The following PMEPA1 variants were observed in gnomAD, a reference collection of about 807,000 sequenced individuals.
The protein encoded by PMEPA1 is prostate transmembrane protein, androgen induced 1, also known as protein TMEPAI.
A neutral mutation model predicts 23.0 loss-of-function variants in PMEPA1; 11 were observed. That is an observed-to-expected ratio of 0.48 (90% CI 0.30 to 0.79). The LOEUF (loss-of-function observed/expected upper bound fraction) is 0.79. PMEPA1 is among the 30% of genes least tolerant of loss of function. The pLI is 0.06. For missense variants in PMEPA1, 377 were observed against 390.9 expected (o/e 0.96, Z 0.30); for synonymous variants, 204 against 166.4 (o/e 1.23, Z -1.74).
rs1204295774 is a variant in PMEPA1 at position 57,682,790 on chromosome 20, G to A, written c.110-23093C>T. On this transcript the variant is annotated intron_variant, in intron 1 of 3. Coordinates refer to ENST00000341744, the MANE Select transcript of PMEPA1 (RefSeq NM_020182.5). This position sits in a 1 kb window ranked among gnomAD's most constrained non-coding sequence, Gnocchi z 4.4. ...AATATTTCTGCTAGATGCTGCCTGGGAGCTGGGCTTTCTGCATGAGCAGGC... is the reference window on the plus strand; with the variant it reads ...AATATTTCTGCTAGATGCTGCCTGGAAGCTGGGCTTTCTGCATGAGCAGGC... Among the ~76,000 whole-genome samples, 2 of 152,258 alleles carry A rather than the reference G, an allele frequency of 1.3e-5. No individual in the cohort carries two copies. Among genetic ancestry groups the A allele is most frequent in the Admixed American group, 6.5e-5 (1 of 15,292 alleles).
chr20:57,670,907 GC>G (rs927680602), intron 1 of PMEPA1, among the ~76,000 whole-genome samples: 4 of 150,872 alleles, frequency 2.7e-5, no homozygotes, highest in Non-Finnish European at 5.9e-5. Context: ...CTTCCCCACC[GC>G]CCCCCCAACC....
Position 57,709,629 on chromosome 20 carries a change from C to T in PMEPA1, c.-47G>A. The T allele has an allele frequency of 5.6e-6, 4 of 709,784 alleles. 1 individual carries two copies. In the South Asian group the frequency reaches 2.6e-4, roughly 46 times the overall value. 44.0% of individuals were successfully genotyped at this position (709,784 alleles called of 1,614,324 possible). A position where few individuals can be genotyped will look rare whatever the true frequency, so the allele number is the denominator to read the frequency against. ...CGGGGCGCGGGGGGCTCGGGGGCGGCCGGGGGGGGCTCCGGCCGGCGCCCG... is the reference window on the plus strand; with the variant it reads ...CGGGGCGCGGGGGGCTCGGGGGCGGTCGGGGGGGGCTCCGGCCGGCGCCCG... On this transcript the variant is annotated 5_prime_UTR_variant, in exon 1 of 4. Coordinates refer to ENST00000341744, the MANE Select transcript of PMEPA1 (RefSeq NM_020182.5).
chr20:57,662,557 G>A (rs2071436436), intron 1 of PMEPA1, among the ~76,000 whole-genome samples: 1 of 152,304 alleles, frequency 6.6e-6, no homozygotes, highest in East Asian at 1.9e-4. Context: ...GACCCAGGTC[G>A]CTGTGGCCAC....
intron 1 of PMEPA1, chr20:57,690,332 C>A: frequency 2.2e-6 from 2 of 928,226 alleles, no homozygotes; most frequent in Non-Finnish European, 3.1e-6. Context: ...CACTGCCACC[C>A]GCCCTGCATC....
At position 57,659,170 on chromosome 20, in the gene PMEPA1, C is replaced by T. The variant is rs561891561; in HGVS notation, c.264+373G>A. Among the ~76,000 whole-genome samples, 47 of 137,042 alleles carry T rather than the reference C, an allele frequency of 3.4e-4. No individual in the cohort carries two copies. The South Asian group carries it at 8.7e-3, about 25-fold the overall frequency. 89.9% of individuals were successfully genotyped at this position (137,042 alleles called of 152,430 possible). On this transcript the variant is annotated intron_variant, in intron 2 of 3. Coordinates refer to ENST00000341744, the MANE Select transcript of PMEPA1 (RefSeq NM_020182.5). ...CCTGCATGGCGCTATCACCACTGGG[C>T]GTCTCATCTCCCTCCTGGAACGTCA...
At position 57,651,937 on chromosome 20, in the gene PMEPA1, G is replaced by T; in HGVS notation, c.*116C>A. On this transcript the variant is annotated 3_prime_UTR_variant, in exon 4 of 4. Transcript: ENST00000341744. Reference sequence around the variant, plus strand: ...TATTTATACACAGGGAGGTGGGAGGGGAGGGCCACACGATGCGTTGCTGCG... The same window carrying T: ...TATTTATACACAGGGAGGTGGGAGGTGAGGGCCACACGATGCGTTGCTGCG... The T allele has an allele frequency of 1.3e-6, 1 of 741,206 alleles. No homozygotes were observed. The highest frequency in any genetic ancestry group is 2.1e-6 in the Non-Finnish European group (1 of 483,768). The allele number at this position is 741,206 out of a possible 1,614,324, so 45.9% of individuals were successfully genotyped here.
intron 1 of PMEPA1, chr20:57,690,746 G>T: frequency 2.8e-6 from 1 of 353,952 alleles, no homozygotes; most frequent in Non-Finnish European, 5.0e-6. Flanking sequence ...ACCCCCACCT[G>T]CCGGAAGTCT....
At chr20:57,697,349 G>A (rs1279016798) in intron 1 of PMEPA1, among the ~76,000 whole-genome samples, 1 of 152,224 alleles carries the variant, frequency 6.6e-6, no homozygotes, top group Non-Finnish European at 1.5e-5. Context: ...CAGCAAGGAT[G>A]GAGGGTGCAA....
rs1035231782 is a variant in PMEPA1, at chr20:57,660,849, C to T, written c.110-1152G>A. 5.1e-4 allele frequency among the ~76,000 whole-genome samples: 76 copies of T among 149,912 alleles called. 1 individual carries two copies. The highest frequency in any genetic ancestry group is 1.5e-3 in the African/African-American group (63 of 40,884). The stretch of plus-strand genomic sequence containing the variant: ...CTACACACACGTCAACACCAACACA[C>T]GACCCAACACTCCTACACACATATC... On this transcript the variant is annotated intron_variant, in intron 1 of 3. Coordinates refer to ENST00000341744, the MANE Select transcript of PMEPA1 (RefSeq NM_020182.5).
At chr20:57,673,211 A>G (rs1057235579) in intron 1 of PMEPA1, among the ~76,000 whole-genome samples, 1 of 147,168 alleles carries the variant, frequency 6.8e-6, no homozygotes, top group Non-Finnish European at 1.5e-5. Flanking sequence ...GGGCTGGCCC[A>G]CCTGCCTGGG....
intron 1 of PMEPA1, among the ~76,000 whole-genome samples, chr20:57,685,203 C>T (rs760421249): frequency 6.6e-6 from 1 of 152,154 alleles, no homozygotes; most frequent in Non-Finnish European, 1.5e-5. Flanking sequence ...CGCAGTCACT[C>T]TCCTCGCCAG....
intron 1 of PMEPA1, among the ~76,000 whole-genome samples, chr20:57,685,385 T>TC (rs1182730077): frequency 4.6e-5 from 7 of 152,324 alleles, no homozygotes; most frequent in Admixed American, 4.6e-4. Flanking sequence ...AATTCAACCT[T>TC]GTCAGATCTC....
intron 1 of PMEPA1, among the ~76,000 whole-genome samples, chr20:57,706,780 C>G (rs1334808883): frequency 6.6e-6 from 1 of 152,122 alleles, no homozygotes; most frequent in Non-Finnish European, 1.5e-5. Flanking sequence ...GCAAAACTTT[C>G]CACGGTGGAC....
intron 1 of PMEPA1, among the ~76,000 whole-genome samples, chr20:57,708,636 G>A (rs937297224): frequency 2.0e-5 from 3 of 152,160 alleles, no homozygotes; most frequent in Non-Finnish European, 2.9e-5. Context: ...ACTGAACCAA[G>A]CTGTCCAGAC....
intron 1 of PMEPA1, among the ~76,000 whole-genome samples, chr20:57,663,274 T>C (rs2071447911): frequency 6.6e-6 from 1 of 151,996 alleles, no homozygotes; most frequent in African/African-American, 2.4e-5. Flanking sequence ...TTTGCAAGGG[T>C]TGCCGAGACT....
chr20:57,660,966 C>T lies in PMEPA1; in HGVS notation c.110-1269G>A, dbSNP rs80026499. The stretch of plus-strand genomic sequence containing the variant: ...CAGACACAAACACACACAGACACAG[C>T]GCACCACACGTGCCCACACACACAC... On this transcript the variant is annotated intron_variant, in intron 1 of 3. Coordinates refer to ENST00000341744, the MANE Select transcript of PMEPA1 (RefSeq NM_020182.5). 1.5e-4 allele frequency among the ~76,000 whole-genome samples: 23 copies of T among 152,094 alleles called. No homozygotes were observed. The East Asian group carries it at 2.5e-3, about 17-fold the overall frequency.
rs79594398 is a variant in PMEPA1 at position 57,680,731 on chromosome 20, C to T, written c.110-21034G>A. On this transcript the variant is annotated intron_variant, in intron 1 of 3. Transcript: ENST00000341744. ...TAAAAACATCTGCTTTGAAAGCAAA[C>T]GCTTAGGAAAGGGCAGTTGTTCATT... Among the ~76,000 whole-genome samples the T allele has an allele frequency of 7.0e-3, 1,066 of 152,326 alleles. 9 individuals are homozygous for T. Among genetic ancestry groups the T allele is most frequent in the African/African-American group, 0.024 (986 of 41,562 alleles).
chr20:57,690,571 T>C lies in PMEPA1; in HGVS notation c.109+18903A>G, dbSNP rs560206883. On this transcript the variant is annotated intron_variant, in intron 1 of 3. Coordinates refer to ENST00000341744, the MANE Select transcript of PMEPA1 (RefSeq NM_020182.5). ...CTGTAGCAGGAGGCGGGGTCTCCATTGCTATGGCGGGTGTAGAGGGTCATG... is the reference window on the plus strand; with the variant it reads ...CTGTAGCAGGAGGCGGGGTCTCCATCGCTATGGCGGGTGTAGAGGGTCATG... 65 of 1,264,574 alleles carry C rather than the reference T, an allele frequency of 5.1e-5. 1 individual carries two copies. In the East Asian group the frequency reaches 3.2e-3, roughly 62 times the overall value. 78.3% of individuals were successfully genotyped at this position (1,264,574 alleles called of 1,614,324 possible). A position where few individuals can be genotyped will look rare whatever the true frequency, so the allele number is the denominator to read the frequency against.
In PMEPA1 at chr20:57,650,057, G is replaced by A. The variant is rs2071202939; in HGVS notation, c.*1996C>T. ...GGCTGACGACTTCACGGAGAGGCAG[G>A]TTCTGCTGTTGCCAATGAACGAGAA... On this transcript the variant is annotated 3_prime_UTR_variant, in exon 4 of 4. Transcript: ENST00000341744. 1 of 152,576 alleles carries A rather than the reference G, an allele frequency of 6.6e-6. No homozygotes were observed. Among genetic ancestry groups the A allele is most frequent in the South Asian group, 2.1e-4 (1 of 4,836 alleles). The allele number at this position is 152,576 out of a possible 1,614,324, so 9.5% of individuals were successfully genotyped here. A position where few individuals can be genotyped will look rare whatever the true frequency, so the allele number is the denominator to read the frequency against.
Sources: allele counts gnomAD v4.1 joint callset (sites outside exome capture counted in the v4.1 genomes callset), GRCh38; gene constraint gnomAD v4.1.1; non-coding constraint Gnocchi (gnomAD v3.1); transcripts MANE v1.5; gene names NCBI Gene and HGNC (gene_info 2026-07-23, HGNC 2026-07-21).